PTPRD: variants seen among roughly 807,000 people sequenced by gnomAD.
PTPRD encodes receptor-type tyrosine-protein phosphatase delta.
Under a neutral mutation model 214.5 loss-of-function variants are expected in PTPRD, and 34 were observed. The ratio of observed to expected loss-of-function variants is 0.16; its 90% CI spans 0.12 to 0.21. The LOEUF is 0.21. Among genes scored for constraint, PTPRD ranks in the 10% least tolerant of loss-of-function variants. PTPRD has a pLI of 1.00. For missense variants in PTPRD, 2,545 were observed against 2,398.7 expected, an observed-to-expected ratio of 1.06 and a Z score of -1.27; for synonymous variants, 1,128 against 845.7, an observed-to-expected ratio of 1.33 and a Z score of -5.79.
intron 25 of PTPRD, among the ~76,000 whole-genome samples, chr9:8,498,853 C>T (rs558880149): frequency 2.2e-4 from 34 of 152,068 alleles, no homozygotes; most frequent in African/African-American, 7.2e-4. Flanking sequence ...AAAACTCAAG[C>T]GAATTTATTA....
Position 10,058,894 on chromosome 9 carries a change from C to A in PTPRD, c.-544-25104G>T, listed in dbSNP as rs575397016. 2.0e-5 allele frequency among the ~76,000 whole-genome samples: 3 copies of A among 152,066 alleles called. No individual in the cohort carries two copies. The East Asian group carries it at 5.8e-4, about 29-fold the overall frequency. On this transcript the variant is annotated intron_variant, in intron 3 of 45. Coordinates refer to ENST00000381196, the MANE Select transcript of PTPRD (RefSeq NM_002839.4). ...GTTTCTATCGTTTGAAATAAAATAA[C>A]CTTAACTGAGACAGCACATAGGATA...
intron 9 of PTPRD, among the ~76,000 whole-genome samples, chr9:9,268,919 G>T (rs930500108): frequency 2.7e-5 from 4 of 147,732 alleles, no homozygotes; most frequent in African/African-American, 9.9e-5. Flanking sequence ...AGAAAACATA[G>T]AAGAAAAGCT....
At chr9:9,262,615 A>T (rs1381595157) in intron 9 of PTPRD, among the ~76,000 whole-genome samples, 1 of 151,554 alleles carries the variant, frequency 6.6e-6, no homozygotes, top group South Asian at 2.1e-4. Context: ...ATGCCCTTGT[A>T]TAGAAATGGA....
intron 37 of PTPRD, 78 bp from the exon 38 acceptor site, chr9:8,376,804 G>C: frequency 6.4e-7 from 1 of 1,572,008 alleles, no homozygotes. Flanking sequence ...TGCTGTTGAA[G>C]GAAAACAGCT....
chr9:9,434,145 T>C (rs2084268229), intron 8 of PTPRD, among the ~76,000 whole-genome samples: 1 of 152,196 alleles, frequency 6.6e-6, no homozygotes, highest in Admixed American at 6.6e-5. Flanking sequence ...ATATGAGTCC[T>C]AGAGTAAAAA....
intron 7 of PTPRD, among the ~76,000 whole-genome samples, chr9:9,593,223 C>CTT (rs2092937447): frequency 6.6e-6 from 1 of 150,902 alleles, no homozygotes; most frequent in Non-Finnish European, 1.5e-5. Context: ...GTTTTTCCCC[C>CTT]CCCTCAAAGA....
chr9:10,071,085 C>CG (rs1361265031), intron 3 of PTPRD, among the ~76,000 whole-genome samples: 1 of 151,978 alleles, frequency 6.6e-6, no homozygotes, highest in East Asian at 1.9e-4. Flanking sequence ...ATGTGAAAAA[C>CG]TACAAAACTC....
At chr9:9,666,708 C>G (rs781176361) in intron 7 of PTPRD, among the ~76,000 whole-genome samples, 5 of 151,968 alleles carry the variant, frequency 3.3e-5, no homozygotes, top group Non-Finnish European at 7.4e-5. Context: ...GCAGTAGTTC[C>G]TTTATTGTTG....
chr9:9,160,573 T>A (rs561109563), intron 10 of PTPRD, among the ~76,000 whole-genome samples: 1 of 152,196 alleles, frequency 6.6e-6, no homozygotes, highest in South Asian at 2.1e-4. Flanking sequence ...ACTTGTCTTT[T>A]GCTGGTGGAA....
chr9:9,130,100 G>T (rs2099840329), intron 10 of PTPRD, among the ~76,000 whole-genome samples: 1 of 152,092 alleles, frequency 6.6e-6, no homozygotes. Flanking sequence ...ACTAGGGATA[G>T]ATTTCTGAAA....
chr9:9,566,220 T>C (rs2084486181), intron 8 of PTPRD, among the ~76,000 whole-genome samples: 1 of 152,058 alleles, frequency 6.6e-6, no homozygotes, highest in African/African-American at 2.4e-5. Flanking sequence ...TGAAGACTGT[T>C]ATTATCTACT....
chr9:10,431,012 T>C (rs2098672481), intron 2 of PTPRD, among the ~76,000 whole-genome samples: 1 of 152,040 alleles, frequency 6.6e-6, no homozygotes, highest in African/African-American at 2.4e-5. Context: ...GTCATCTGAA[T>C]GCTTATCACA....
At chr9:9,224,605 G>C (rs1054141535) in intron 9 of PTPRD, among the ~76,000 whole-genome samples, 5 of 151,848 alleles carry the variant, frequency 3.3e-5, no homozygotes, top group Non-Finnish European at 7.4e-5. Flanking sequence ...TAAGGTAAAC[G>C]TATTAATTAT....
At chr9:9,658,004 CTT>C (rs1164469232) in intron 7 of PTPRD, among the ~76,000 whole-genome samples, 1 of 152,136 alleles carries the variant, frequency 6.6e-6, no homozygotes, top group East Asian at 1.9e-4. Context: ...TGTTTAGTTT[CTT>C]TTTGTGAATT....
chr9:8,505,461 A>C (rs1190244271), intron 22 of PTPRD, among the ~76,000 whole-genome samples: 1 of 151,848 alleles, frequency 6.6e-6, no homozygotes, highest in Admixed American at 6.6e-5. Context: ...TCTCTCCTAA[A>C]AATACAAAAA....
intron 7 of PTPRD, among the ~76,000 whole-genome samples, chr9:9,692,210 G>C (rs34254522): frequency 0.63 from 95,026 of 151,266 alleles, 30,120 homozygotes; most frequent in South Asian, 0.66. Context: ...AGAACAATGT[G>C]CTGGAGAGTT....
At chr9:10,510,947 T>C (rs1202811751) in intron 2 of PTPRD, among the ~76,000 whole-genome samples, 3 of 152,146 alleles carry the variant, frequency 2.0e-5, no homozygotes, top group South Asian at 4.1e-4. Context: ...ACTGGGAACG[T>C]AAGACATTTG....
chr9:8,558,107 A>G (rs576739097), intron 14 of PTPRD, among the ~76,000 whole-genome samples: 6 of 152,186 alleles, frequency 3.9e-5, no homozygotes, highest in Non-Finnish European at 8.8e-5. Flanking sequence ...ACAATTTTTA[A>G]AAATGAGAGG....
chr9:9,997,889 A>G lies in PTPRD; in HGVS notation c.-472+35829T>C, dbSNP rs566998549. 4.5e-4 allele frequency among the ~76,000 whole-genome samples: 69 copies of G among 151,922 alleles called. No individual in the cohort carries two copies. The South Asian group carries it at 0.014, about 31-fold the overall frequency. On this transcript the variant is annotated intron_variant, in intron 4 of 45. Transcript: ENST00000381196. ...CTCCACATGTGCAGGACTACATGAC[A>G]GCTATAATTTGCATATTTAAAAGGC...
Sources: gnomAD v4.1 joint callset for allele counts (sites outside exome capture counted in the v4.1 genomes callset) on GRCh38, gnomAD v4.1.1 for gene constraint, MANE v1.5 for transcripts, NCBI Gene and HGNC (gene_info 2026-07-23, HGNC 2026-07-21) for gene names.